Variants in NAV2 observed in about 807,000 individuals in gnomAD.
NAV2 encodes helicase, APC down-regulated 1.
A neutral mutation model predicts 223.2 loss-of-function variants in NAV2; 54 were observed. That is an observed-to-expected ratio of 0.24 (90% CI 0.19 to 0.30). The LOEUF (loss-of-function observed/expected upper bound fraction) is 0.30. Ranked by LOEUF, NAV2 falls within the 10% of genes least tolerant of loss-of-function variation. NAV2 has a pLI of 1.00. For synonymous variants in NAV2, 1,279 were observed against 1,239.3 expected, an observed-to-expected ratio of 1.03 and a Z score of -0.67; for missense variants, 2,806 against 3,147.5, an observed-to-expected ratio of 0.89 and a Z score of 2.60.
chr11:19,582,651 G>T (rs1357700832), intron 1 of NAV2, among the ~76,000 whole-genome samples: 3 of 152,086 alleles, frequency 2.0e-5, no homozygotes, highest in African/African-American at 7.2e-5. Flanking sequence ...GTTTTTTTCA[G>T]GTTTGTCAAA....
In NAV2 at chr11:20,019,978, G is replaced by A. The variant is rs541952393; in HGVS notation, c.2769-15981G>A. On this transcript the variant is annotated intron_variant, in intron 11 of 37. Coordinates refer to ENST00000349880, the MANE Select transcript of NAV2 (RefSeq NM_145117.5). ...GAAAACACCTCAAAGGAGTGGAGGA[G>A]AATATGGGCATGAGGTAAAAAAAAA... is the stretch of plus-strand genomic sequence containing the variant. 4.0e-5 allele frequency among the ~76,000 whole-genome samples: 6 copies of A among 149,886 alleles called. No homozygotes were observed. In the South Asian group the frequency reaches 1.3e-3, roughly 32 times the overall value.
At chr11:19,605,571 A>G (rs533146228) in intron 1 of NAV2, among the ~76,000 whole-genome samples, 21 of 151,882 alleles carry the variant, frequency 1.4e-4, no homozygotes, top group African/African-American at 5.1e-4. Flanking sequence ...GAAAAGCTGC[A>G]TAAGCTCTAC....
chr11:19,521,066 G>T (rs1385726136), intron 1 of NAV2, among the ~76,000 whole-genome samples: 1 of 152,134 alleles, frequency 6.6e-6, no homozygotes, highest in Non-Finnish European at 1.5e-5. Flanking sequence ...CTGCATTTGG[G>T]TCCAACAGCC....
chr11:19,729,487 C>G (rs2051551538), intron 1 of NAV2, among the ~76,000 whole-genome samples: 1 of 152,218 alleles, frequency 6.6e-6, no homozygotes, highest in Non-Finnish European at 1.5e-5. Flanking sequence ...GCATGTGTCT[C>G]TTTGTCCTCT....
upstream of NAV2, chr11:19,711,697 A>G (rs560012387): frequency 6.6e-6 from 1 of 152,270 alleles, no homozygotes; most frequent in Non-Finnish European, 1.5e-5. Flanking sequence ...GTTTATAAAC[A>G]GAGATGACTT....
chr11:20,039,923 T>C (rs1408795640), intron 12 of NAV2, among the ~76,000 whole-genome samples: 1 of 152,188 alleles, frequency 6.6e-6, no homozygotes, highest in African/African-American at 2.4e-5. Context: ...GGCATGGATG[T>C]AGGGATGGGG....
intron 19 of NAV2, among the ~76,000 whole-genome samples, chr11:20,059,062 T>C (rs2058539571): frequency 6.6e-6 from 1 of 152,140 alleles, no homozygotes; most frequent in Non-Finnish European, 1.5e-5. Flanking sequence ...TACCTTGATA[T>C]CTGACTCAGT....
At chr11:20,051,651 A>G (rs1323178997) in intron 17 of NAV2, among the ~76,000 whole-genome samples, 1 of 152,180 alleles carries the variant, frequency 6.6e-6, no homozygotes, top group Non-Finnish European at 1.5e-5. Context: ...TGAGCACTTC[A>G]CCATGACCAT....
chr11:19,365,892 C>G (rs1458732579), intron 1 of NAV2, among the ~76,000 whole-genome samples: 6 of 152,176 alleles, frequency 3.9e-5, no homozygotes, highest in Admixed American at 2.0e-4. Flanking sequence ...CTGGACAAAG[C>G]CTTGTGCTTT....
chr11:19,552,702 A>G (rs1226754269), intron 1 of NAV2, among the ~76,000 whole-genome samples: 1 of 152,164 alleles, frequency 6.6e-6, no homozygotes, highest in Non-Finnish European at 1.5e-5. Context: ...GAAAGTGAAA[A>G]AAAGATTATT....
At chr11:20,009,475 G>T (rs1400748535) in intron 11 of NAV2, among the ~76,000 whole-genome samples, 3 of 152,140 alleles carry the variant, frequency 2.0e-5, no homozygotes, top group Non-Finnish European at 1.5e-5. Context: ...TCCATGGGGT[G>T]GACATCATAA....
chr11:19,614,759 G>A (rs1272910722), intron 1 of NAV2, among the ~76,000 whole-genome samples: 4 of 152,140 alleles, frequency 2.6e-5, no homozygotes, highest in Non-Finnish European at 5.9e-5. Flanking sequence ...TTCCTGTTCT[G>A]CTCAGGGCCT....
chr11:19,541,652 G>A (rs945841546), intron 1 of NAV2, among the ~76,000 whole-genome samples: 1 of 152,214 alleles, frequency 6.6e-6, no homozygotes, highest in Non-Finnish European at 1.5e-5. Context: ...AGAAGGGACA[G>A]GGCCTCGGGC....
chr11:19,417,299 C>A (rs928603730), intron 1 of NAV2, among the ~76,000 whole-genome samples: 2 of 152,184 alleles, frequency 1.3e-5, no homozygotes, highest in African/African-American at 4.8e-5. Flanking sequence ...TGAACAGACA[C>A]TTCTCAAAAG....
chr11:20,035,269 A>G (rs2056234636), intron 11 of NAV2, among the ~76,000 whole-genome samples: 1 of 152,128 alleles, frequency 6.6e-6, no homozygotes, highest in Non-Finnish European at 1.5e-5. Flanking sequence ...GTGCTGGATT[A>G]AACGTGGTGG....
At chr11:20,049,273 A>C in intron 15 of NAV2, 78 bp downstream of exon 15, 2 of 1,062,806 alleles carry the variant, frequency 1.9e-6, no homozygotes, top group Non-Finnish European at 2.7e-6. Flanking sequence ...GGAATCCCAA[A>C]TGTCGAATAG....
intron 1 of NAV2, among the ~76,000 whole-genome samples, chr11:19,775,502 C>G (rs1337534795): frequency 6.6e-6 from 1 of 152,244 alleles, no homozygotes; most frequent in African/African-American, 2.4e-5. Context: ...TGAGCTCCCA[C>G]TATGGGCCAC....
At chr11:19,353,159 A>C (rs73428634) in intron 1 of NAV2, among the ~76,000 whole-genome samples, 2 of 152,154 alleles carry the variant, frequency 1.3e-5, no homozygotes, top group African/African-American at 4.8e-5. Flanking sequence ...TTAAGTTACC[A>C]AGCATTCATT....
At chr11:20,075,633 C>T (rs549343032) in intron 22 of NAV2, among the ~76,000 whole-genome samples, 1 of 152,080 alleles carries the variant, frequency 6.6e-6, no homozygotes, top group African/African-American at 2.4e-5. Flanking sequence ...TGCTCCCTGC[C>T]AGCGGTTGAT....
Sources: allele counts gnomAD v4.1 joint callset (sites outside exome capture counted in the v4.1 genomes callset), GRCh38; gene constraint gnomAD v4.1.1; transcripts MANE v1.5; gene names NCBI Gene and HGNC (gene_info 2026-07-23, HGNC 2026-07-21).